Variants in AGAP3 observed in about 807,000 individuals in gnomAD.
AGAP3 encodes arf-GAP with GTPase, ANK repeat and PH domain-containing protein 3.
In AGAP3, 24 loss-of-function variants were observed where a neutral mutation model predicts 96.9. That is an observed-to-expected ratio of 0.25 (90% CI 0.18 to 0.35). The LOEUF is 0.35. Ranked by LOEUF, AGAP3 falls within the 10% of genes least tolerant of loss-of-function variation. AGAP3 has a pLI of 1.00. For missense variants in AGAP3, 876 were observed against 1,254.2 expected (o/e 0.70, Z 4.55); for synonymous variants, 563 against 536.1 (o/e 1.05, Z -0.69).
intron 11 of AGAP3, among the ~76,000 whole-genome samples, chr7:151,135,094 A>G (rs1184301634): frequency 6.6e-6 from 1 of 152,184 alleles, no homozygotes; most frequent in East Asian, 1.9e-4. Context: ...TTCAACTGAC[A>G]GTGCTGGCTC....
Position 151,114,926 on chromosome 7 carries a change from G to T in AGAP3, c.332-1867G>T. 2 of 987,358 alleles carry T rather than the reference G, an allele frequency of 2.0e-6. No homozygotes were observed. The highest frequency in any genetic ancestry group is 2.4e-6 in the Non-Finnish European group (2 of 833,402). 61.2% of individuals were successfully genotyped at this position (987,358 alleles called of 1,614,324 possible). On this transcript the variant is annotated intron_variant, in intron 1 of 17. Coordinates refer to ENST00000397238, the MANE Select transcript of AGAP3 (RefSeq NM_031946.7). The surrounding 1 kb of genome is among the most constrained non-coding windows in gnomAD (Gnocchi z 4.4). ...AGGCCGCCCTCTGCGCCGCCAGTGA[G>T]CAGCCGGCGCGGCCGCGGAGCGTGT...
chr7:151,143,022 C>T lies in AGAP3; in HGVS notation c.2274-319C>T, dbSNP rs1006025953. Among the ~76,000 whole-genome samples, 6 of 152,148 alleles carry T rather than the reference C, an allele frequency of 3.9e-5. No homozygotes were observed. Among genetic ancestry groups the T allele is most frequent in the South Asian group, 2.1e-4 (1 of 4,826 alleles). ...CACTGCCAATCCAAGAGAGTTCAGA[C>T]GGCCAGATAAGCTGCAACACGGGCC... On this transcript the variant is annotated intron_variant, in intron 16 of 17. Coordinates refer to ENST00000397238, the MANE Select transcript of AGAP3 (RefSeq NM_031946.7). The surrounding 1 kb of genome is among the most constrained non-coding windows in gnomAD (Gnocchi z 5.9).
intron 1 of AGAP3, chr7:151,115,180 T>G (rs915798556): frequency 2.1e-5 from 21 of 1,007,836 alleles, no homozygotes; most frequent in Non-Finnish European, 2.2e-5. Flanking sequence ...CGCCTGGAGC[T>G]GGCGGCCGCC....
chr7:151,090,915 G>C (rs1375679040), intron 1 of AGAP3, among the ~76,000 whole-genome samples: 4 of 152,152 alleles, frequency 2.6e-5, no homozygotes, highest in African/African-American at 7.2e-5. Context: ...CTGCACTCCA[G>C]CCTGGGCAAC....
intron 1 of AGAP3, among the ~76,000 whole-genome samples, chr7:151,104,637 C>G (rs190963800): frequency 6.6e-6 from 1 of 152,150 alleles, no homozygotes; most frequent in Non-Finnish European, 1.5e-5. Context: ...GAGCAGACTG[C>G]TGGCGCACAG....
chr7:151,124,069 C>T (rs564569940), intron 9 of AGAP3, among the ~76,000 whole-genome samples, 183 bp downstream of exon 9: 1 of 152,322 alleles, frequency 6.6e-6, no homozygotes, highest in African/African-American at 2.4e-5. Flanking sequence ...TTCTCTGCGC[C>T]GCCACCTTCA....
rs1799661047 is a variant in AGAP3, at chr7:151,117,648, G to A, written c.577G>A (p.Val193Met). The A allele has an allele frequency of 6.2e-7, 1 of 1,614,170 alleles. No homozygotes were observed. The highest frequency in any genetic ancestry group is 8.5e-7 in the Non-Finnish European group (1 of 1,179,984). ...GPPELQFAAW[V>M]DAVVFVFSLE... ...TGCTCTACCCTAGTTTGCTGCCTGG[G>A]TGGATGCAGTGGTGTTTGTGTTCAG... The change falls in exon 5 of 18, where the codon GTG (valine) becomes ATG (methionine). Residue 193 changes from valine (V) to methionine (M), a missense_variant. By Grantham distance (21) the Val-to-Met change is conservative (BLOSUM62 1). Transcript: ENST00000397238.
intron 10 of AGAP3, among the ~76,000 whole-genome samples, chr7:151,129,503 G>A (rs939665184): frequency 5.3e-5 from 8 of 152,152 alleles, no homozygotes; most frequent in Non-Finnish European, 8.8e-5. Context: ...AGAAGGCCTG[G>A]CCCTCCTGGG....
Position 151,096,847 on chromosome 7 carries a change from C to G in AGAP3, c.331+9775C>G, listed in dbSNP as rs1272891559. 6.6e-6 allele frequency among the ~76,000 whole-genome samples: 1 copy of G among 151,952 alleles called. No homozygotes were observed. The highest frequency in any genetic ancestry group is 2.4e-5 in the African/African-American group (1 of 41,350). ...AGGCTGGAGTGTAGTGGTATGATCT[C>G]AGCTCACTGCAACCTCTGCCTCCCG... On this transcript the variant is annotated intron_variant, in intron 1 of 17. Transcript: ENST00000397238. This position sits in a 1 kb window ranked among gnomAD's most constrained non-coding sequence, Gnocchi z 4.4.
At chr7:151,087,470 C>A (rs1244150472) in intron 1 of AGAP3, among the ~76,000 whole-genome samples, 1 of 152,194 alleles carries the variant, frequency 6.6e-6, no homozygotes, top group Non-Finnish European at 1.5e-5. Context: ...GGATCGGAGC[C>A]TCGCGTTAGT....
chr7:151,126,153 G>A (rs930565815), intron 9 of AGAP3, among the ~76,000 whole-genome samples: 14 of 152,180 alleles, frequency 9.2e-5, no homozygotes, highest in Admixed American at 2.6e-4. Context: ...GCCTGGGGAG[G>A]GCGTTGCCGA....
chr7:151,135,912 C>T (rs543294969), intron 11 of AGAP3, among the ~76,000 whole-genome samples: 3 of 152,294 alleles, frequency 2.0e-5, no homozygotes, highest in African/African-American at 7.2e-5. Flanking sequence ...GAGCAATCTT[C>T]TTTCCTCTAA....
In AGAP3 at chr7:151,141,966, A is replaced by G. The variant is rs752344434; in HGVS notation, c.1873A>G (p.Thr625Ala). ...TGQTWHFEAS[T>A]AEERELWVQS... is the part of the protein sequence containing the mutation. ...GCAGACGTGGCACTTCGAGGCTTCA[A>G]CGGCGGAGGAGCGGGAGCTGTGGGT... Residue 625 changes from threonine to alanine, a missense_variant, in exon 14 of 18, where the codon ACG (threonine) becomes GCG (alanine). Transcript: ENST00000397238. The surrounding 1 kb of genome is among the most constrained non-coding windows in gnomAD (Gnocchi z 4.2). 1.9e-6 allele frequency: 3 copies of G among 1,614,058 alleles called. No individual in the cohort carries two copies. Among genetic ancestry groups the G allele is most frequent in the East Asian group, 2.2e-5 (1 of 44,894 alleles).
Position 151,086,945 on chromosome 7 carries a change from C to A in AGAP3, c.204C>A (p.Ala68=), listed in dbSNP as rs1798180708. 1.2e-6 allele frequency: 2 copies of A among 1,610,856 alleles called. No homozygotes were observed. The highest frequency in any genetic ancestry group is 1.7e-6 in the Non-Finnish European group (2 of 1,178,806). ...PQQFALSNSA[A]IRAEIQRFES... Reference sequence around the variant, plus strand: ...AGTTCGCGCTCTCCAACTCCGCGGCCATCCGGGCCGAGATCCAGCGCTTCG... The same window carrying A: ...AGTTCGCGCTCTCCAACTCCGCGGCAATCCGGGCCGAGATCCAGCGCTTCG... Residue 68 remains alanine, a synonymous_variant, in exon 1 of 18, where the codon GCC becomes GCA. Coordinates refer to ENST00000397238, the MANE Select transcript of AGAP3 (RefSeq NM_031946.7).
rs1458724867 is a variant in AGAP3, at chr7:151,138,187, C to T, written c.1540C>T (p.Pro514Ser). ...ASSASLHSERPLSSSAWAGPR... is the reference protein window; with the variant it reads ...ASSASLHSERSLSSSAWAGPR... ...CAGCGCATCCCTGCACTCTGAGCGC[C>T]CCCTCAGCAGCTCGGCCTGGGCTGG... The change falls in exon 12 of 18, where the codon CCC becomes TCC. Residue 514 changes from proline (P) to serine (S), a missense_variant. Coordinates refer to ENST00000397238, the MANE Select transcript of AGAP3 (RefSeq NM_031946.7). The T allele has an allele frequency of 6.2e-7, 1 of 1,609,936 alleles. No individual in the cohort carries two copies. Among genetic ancestry groups the T allele is most frequent in the Non-Finnish European group, 8.5e-7 (1 of 1,178,748 alleles).
At position 151,114,761 on chromosome 7, in the gene AGAP3, G is replaced by C; in HGVS notation, c.332-2032G>C. The C allele has an allele frequency of 9.8e-7, 1 of 1,019,824 alleles. No homozygotes were observed. The highest frequency in any genetic ancestry group is 1.2e-6 in the Non-Finnish European group (1 of 853,808). 63.2% of individuals were successfully genotyped at this position (1,019,824 alleles called of 1,614,324 possible). On this transcript the variant is annotated intron_variant, in intron 1 of 17. Transcript: ENST00000397238. The surrounding 1 kb of genome is among the most constrained non-coding windows in gnomAD (Gnocchi z 4.4). ...GCCATGGGCCTGGCCCGCGCCCGCC[G>C]GCCCTGAGCATGGAGCGGGGCTGGC...
At chr7:151,122,169 C>T (rs571859038) in intron 8 of AGAP3, among the ~76,000 whole-genome samples, 6 of 152,358 alleles carry the variant, frequency 3.9e-5, no homozygotes, top group Non-Finnish European at 8.8e-5. Flanking sequence ...CCGGTGGCAG[C>T]AGTCCCATCC....
intron 1 of AGAP3, among the ~76,000 whole-genome samples, chr7:151,105,783 C>T (rs1156554844): frequency 3.6e-5 from 2 of 55,430 alleles, no homozygotes; most frequent in Non-Finnish European, 7.0e-5. Flanking sequence ...TCCGCCCCCC[C>T]CCCCGACACC....
intron 7 of AGAP3, 124 bp from the exon 8 acceptor site, chr7:151,119,863 G>T (rs1799786107): frequency 2.4e-6 from 2 of 823,336 alleles, no homozygotes; most frequent in East Asian, 5.4e-5. Context: ...GTAGGGGCTA[G>T]TGGCCCCTCT....
Sources: gnomAD v4.1 joint callset for allele counts (sites outside exome capture counted in the v4.1 genomes callset) on GRCh38, gnomAD v4.1.1 for gene constraint, Gnocchi (gnomAD v3.1) non-coding constraint, MANE v1.5 for transcripts, NCBI Gene and HGNC (gene_info 2026-07-23, HGNC 2026-07-21) for gene names.